The following CDH18 variants were observed in gnomAD, a reference collection of about 807,000 sequenced individuals.
CDH18 encodes cadherin 18.
CDH18 carries 31 observed loss-of-function variants against 67.9 expected under a neutral mutation model. The observed-to-expected ratio is 0.46, with a 90% CI of 0.34 to 0.62. The LOEUF (loss-of-function observed/expected upper bound fraction) is 0.62. Ranked by LOEUF, CDH18 falls within the 20% of genes least tolerant of loss-of-function variation. CDH18 has a pLI of 0.01. For synonymous variants in CDH18, 362 were observed against 347.2 expected (o/e 1.04, Z -0.48); for missense variants, 890 against 975.5 (o/e 0.91, Z 1.17).
intron 5 of CDH18, among the ~76,000 whole-genome samples, chr5:19,719,964 A>G (rs1765865591): frequency 6.7e-6 from 1 of 150,064 alleles, no homozygotes; most frequent in Non-Finnish European, 1.5e-5. Flanking sequence ...AAAGAAGGAA[A>G]GAGTTAAGCA....
At chr5:19,960,546 CGTGTGTGTGTGTGTATGTGT>C (rs1421648586) in intron 2 of CDH18, among the ~76,000 whole-genome samples, 1 of 128,078 alleles carries the variant, frequency 7.8e-6, no homozygotes, top group Non-Finnish European at 1.5e-5. Context: ...GTTTAATATA[CGTGTGTGTGTGTGTATGTGT>C]GTGTGTGTGT....
At chr5:20,562,402 A>T (rs1243034356) in intron 1 of CDH18, among the ~76,000 whole-genome samples, 1 of 151,724 alleles carries the variant, frequency 6.6e-6, no homozygotes, top group Non-Finnish European at 1.5e-5. Context: ...AGGCAACCTT[A>T]TGTACCTATG....
intron 3 of CDH18, among the ~76,000 whole-genome samples, chr5:19,828,604 G>A (rs1170545714): frequency 6.6e-6 from 1 of 152,190 alleles, no homozygotes; most frequent in Admixed American, 6.5e-5. Context: ...CAATAAGCGT[G>A]ATTCATCACA....
At chr5:19,729,134 A>G (rs2150621981) in intron 4 of CDH18, among the ~76,000 whole-genome samples, 1 of 152,292 alleles carries the variant, frequency 6.6e-6, no homozygotes, top group East Asian at 1.9e-4. Flanking sequence ...TTTCAATAGG[A>G]TCTTATTTAT....
intron 2 of CDH18, among the ~76,000 whole-genome samples, chr5:20,199,783 T>C (rs1040311414): frequency 8.5e-5 from 13 of 152,162 alleles, no homozygotes; most frequent in African/African-American, 3.1e-4. Context: ...AATTGAATCA[T>C]GGGGGTGGTT....
chr5:19,753,125 T>C (rs1771076329), intron 3 of CDH18, among the ~76,000 whole-genome samples: 1 of 152,108 alleles, frequency 6.6e-6, no homozygotes, highest in Non-Finnish European at 1.5e-5. Flanking sequence ...CAGGGCTCTT[T>C]AACACCCCCA....
At chr5:19,944,206 C>T (rs1035123361) in intron 2 of CDH18, among the ~76,000 whole-genome samples, 3 of 151,962 alleles carry the variant, frequency 2.0e-5, no homozygotes, top group Non-Finnish European at 2.9e-5. Flanking sequence ...AAAACATTTG[C>T]TATCAATTTT....
chr5:20,556,091 T>G (rs1757892673), intron 1 of CDH18, among the ~76,000 whole-genome samples: 1 of 152,188 alleles, frequency 6.6e-6, no homozygotes, highest in Non-Finnish European at 1.5e-5. Context: ...ATTTTCTAAA[T>G]GTTTTTTCCA....
intron 2 of CDH18, among the ~76,000 whole-genome samples, chr5:20,222,359 C>T (rs1741295888): frequency 6.6e-6 from 1 of 152,090 alleles, no homozygotes; most frequent in African/African-American, 2.4e-5. Context: ...ACTATAGGTA[C>T]AGATTATTCC....
Position 20,379,786 on chromosome 5 carries a change from C to T in CDH18, c.-579-124281G>A, listed in dbSNP as rs1242996951. ...TACTGTGGATAGCATTTATTAAAGA[C>T]AAATATGAAAAAAAAACATTAAATT... On this transcript the variant is annotated intron_variant, in intron 1 of 14. Coordinates refer to the CDH18 transcript ENST00000507958. 4.1e-5 allele frequency among the ~76,000 whole-genome samples: 6 copies of T among 146,440 alleles called. No homozygotes were observed. In the Admixed American group the frequency reaches 4.3e-4, roughly 10 times the overall value.
At chr5:19,477,865 A>G (rs540492792) in intron 12 of CDH18, among the ~76,000 whole-genome samples, 1 of 152,250 alleles carries the variant, frequency 6.6e-6, no homozygotes, top group South Asian at 2.1e-4. Flanking sequence ...TAAATAATTT[A>G]TGATATAATT....
chr5:19,838,080 A>C (rs1286857628), intron 3 of CDH18, among the ~76,000 whole-genome samples: 2 of 152,134 alleles, frequency 1.3e-5, no homozygotes, highest in African/African-American at 2.4e-5. Flanking sequence ...AGGGAACTTG[A>C]CCTGAAATAA....
intron 1 of CDH18, among the ~76,000 whole-genome samples, chr5:20,302,661 A>T (rs752304345): frequency 6.6e-6 from 1 of 152,140 alleles, no homozygotes; most frequent in Non-Finnish European, 1.5e-5. Flanking sequence ...ACACCTAAAG[A>T]CTGTAGTTTT....
chr5:19,847,608 C>T (rs1783144997), intron 2 of CDH18, among the ~76,000 whole-genome samples: 1 of 151,938 alleles, frequency 6.6e-6, no homozygotes, highest in Non-Finnish European at 1.5e-5. Flanking sequence ...GATTTATATG[C>T]CTCTTTTGAT....
chr5:20,207,198 C>T (rs900167718), intron 2 of CDH18, among the ~76,000 whole-genome samples: 2 of 151,556 alleles, frequency 1.3e-5, no homozygotes, highest in African/African-American at 2.4e-5. Flanking sequence ...TATAAGCCAA[C>T]ATTGAACAAT....
intron 2 of CDH18, among the ~76,000 whole-genome samples, chr5:20,086,238 T>C (rs1744937460): frequency 6.6e-6 from 1 of 152,204 alleles, no homozygotes; most frequent in African/African-American, 2.4e-5. Flanking sequence ...TGAAATGTTA[T>C]GAAGGCTGAA....
intron 2 of CDH18, among the ~76,000 whole-genome samples, chr5:19,998,206 A>G (rs951315759): frequency 2.6e-5 from 4 of 152,208 alleles, no homozygotes; most frequent in African/African-American, 9.6e-5. Flanking sequence ...CCAGTTTAGA[A>G]GTTATCCAGA....
At chr5:19,621,517 A>T (rs1311974220) in intron 5 of CDH18, among the ~76,000 whole-genome samples, 1 of 152,130 alleles carries the variant, frequency 6.6e-6, no homozygotes, top group Non-Finnish European at 1.5e-5. Flanking sequence ...CTGCACTCCT[A>T]TGTTCACTGC....
chr5:19,733,797 C>G (rs374012652), intron 4 of CDH18, among the ~76,000 whole-genome samples: 41 of 152,318 alleles, frequency 2.7e-4, no homozygotes, highest in Middle Eastern at 3.4e-3. Context: ...CCTGTAACAT[C>G]CCCTCTGGGG....
Sources: gnomAD v4.1 joint callset for allele counts (sites outside exome capture counted in the v4.1 genomes callset) on GRCh38, gnomAD v4.1.1 for gene constraint, MANE v1.5 for transcripts, NCBI Gene and HGNC (gene_info 2026-07-23, HGNC 2026-07-21) for gene names.